The following ACSBG2 variants were observed in gnomAD, a reference collection of about 807,000 sequenced individuals.
ACSBG2 encodes the protein long-chain-fatty-acid--CoA ligase ACSBG2.
A neutral mutation model predicts 74.7 loss-of-function variants in ACSBG2; 62 were observed. The observed-to-expected ratio is 0.83, with a 90% CI of 0.68 to 1.03. ACSBG2 has a LOEUF of 1.03. Ranked by LOEUF, ACSBG2 falls within the 50% of genes least tolerant of loss-of-function variation. The pLI, the probability that ACSBG2 is intolerant of heterozygous loss-of-function variation, is 0.00. For missense variants in ACSBG2, 730 were observed against 817.6 expected (o/e 0.89, Z 1.31); for synonymous variants, 309 against 294.1 (o/e 1.05, Z -0.52).
chr19:6,171,008 A>G (rs922926443), intron 7 of ACSBG2, among the ~76,000 whole-genome samples: 11 of 151,706 alleles, frequency 7.3e-5, no homozygotes, highest in Admixed American at 5.3e-4. Context: ...TTAGTTTACA[A>G]TCTGTTTTAT....
chr19:6,137,016 A>G (rs577537153), intron 1 of ACSBG2, among the ~76,000 whole-genome samples: 62 of 152,290 alleles, frequency 4.1e-4, no homozygotes. Flanking sequence ...TTTCATCATA[A>G]AACACTGGGT....
At position 6,147,662 on chromosome 19, in the gene ACSBG2, A is replaced by G; in HGVS notation, c.284A>G (p.Lys95Arg). 6.2e-7 allele frequency: 1 copy of G among 1,613,776 alleles called. No individual in the cohort carries two copies. Among genetic ancestry groups the G allele is most frequent in the Non-Finnish European group, 8.5e-7 (1 of 1,179,610 alleles). Reference protein sequence around the residue: ...QYYEACRKAAKSLIKLGLERF... With the variant: ...QYYEACRKAARSLIKLGLERF... Reference sequence around the variant, plus strand: ...TATGAGGCTTGTCGGAAGGCTGCAAAATCCTTGATCAAGGTAAGATTCATT... The same window carrying G: ...TATGAGGCTTGTCGGAAGGCTGCAAGATCCTTGATCAAGGTAAGATTCATT... Residue 95 changes from lysine (K) to arginine (R), a missense_variant, in exon 3 of 15, where the codon AAA (lysine) becomes AGA (arginine). Transcript: ENST00000588485.
chr19:6,152,856 C>T (rs2089285756), intron 4 of ACSBG2, among the ~76,000 whole-genome samples: 1 of 152,078 alleles, frequency 6.6e-6, no homozygotes. Context: ...GAAATGATGG[C>T]TCTGAAGAGC....
At chr19:6,189,177 A>G (rs933833996) in intron 13 of ACSBG2, among the ~76,000 whole-genome samples, 7 of 152,102 alleles carry the variant, frequency 4.6e-5, no homozygotes, top group Admixed American at 1.3e-4. Context: ...GGATGGTTTC[A>G]GCCCTCCCTG....
At chr19:6,182,684 AG>A in intron 8 of ACSBG2, 66 bp from the exon 9 acceptor site, 1 of 1,497,082 alleles carries the variant, frequency 6.7e-7, no homozygotes, top group Non-Finnish European at 9.1e-7. Context: ...TGGGTGGATC[AG>A]GAGAGATGGA....
chr19:6,177,180 T>C, intron 7 of ACSBG2, 49 bp from the exon 8 acceptor site: 2 of 1,590,362 alleles, frequency 1.3e-6, no homozygotes, highest in Non-Finnish European at 1.7e-6. Flanking sequence ...AAAAATAAAA[T>C]GGCCCTTCTA....
chr19:6,153,349 C>T (rs1774168969), intron 4 of ACSBG2, among the ~76,000 whole-genome samples: 1 of 152,130 alleles, frequency 6.6e-6, no homozygotes. Flanking sequence ...CTCATGGTAG[C>T]CCTTTGAGGT....
At chr19:6,152,646 C>A (rs1284118905) in intron 4 of ACSBG2, among the ~76,000 whole-genome samples, 2 of 150,090 alleles carry the variant, frequency 1.3e-5, no homozygotes, top group African/African-American at 2.5e-5. Flanking sequence ...ATACTGATTT[C>A]TTCTTGAGCT....
At chr19:6,142,406 A>G (rs1417645982) in intron 2 of ACSBG2, among the ~76,000 whole-genome samples, 1 of 152,124 alleles carries the variant, frequency 6.6e-6, no homozygotes, top group African/African-American at 2.4e-5. Context: ...GAACCCAGCC[A>G]TTATCCAGGC....
rs2088699670 is a variant in ACSBG2 at position 6,138,742 on chromosome 19, G to A, written c.-31-2771G>A. 2.0e-5 allele frequency among the ~76,000 whole-genome samples: 3 copies of A among 148,110 alleles called. No homozygotes were observed. In the South Asian group the frequency reaches 6.6e-4, roughly 32 times the overall value. On this transcript the variant is annotated intron_variant, in intron 1 of 14. Coordinates refer to ENST00000588485, the MANE Select transcript of ACSBG2 (RefSeq NM_030924.5). ...GAAGGAAGGGAGGGAGAGAGGAAGG[G>A]TAGGAGAATGGGAAAAAGGAAGGAA...
intron 8 of ACSBG2, among the ~76,000 whole-genome samples, chr19:6,178,553 T>C (rs536484138): frequency 3.9e-5 from 6 of 152,246 alleles, no homozygotes; most frequent in East Asian, 1.9e-4. Flanking sequence ...GGCTGATTTT[T>C]GTATTTTTAG....
intron 1 of ACSBG2, among the ~76,000 whole-genome samples, chr19:6,137,846 C>T (rs2088643873): frequency 6.6e-6 from 1 of 152,020 alleles, no homozygotes; most frequent in Non-Finnish European, 1.5e-5. Context: ...CAGGGTTTCA[C>T]CGTGTGAACC....
At chr19:6,156,951 C>CTTTTT (rs530844999) in intron 5 of ACSBG2, among the ~76,000 whole-genome samples, 2 of 146,876 alleles carry the variant, frequency 1.4e-5, no homozygotes, top group Admixed American at 6.8e-5. Context: ...GTCAGGCTAA[C>CTTTTT]TTTTTTTTTT....
rs1031365631 is a variant in ACSBG2, at chr19:6,190,808, TACATACACAC to T, written c.*35+120_*35+129del. On this transcript the variant is annotated intron_variant, in intron 14 of 14. Transcript: ENST00000588485. ...TGCAGAAAACACACACATACACACA[TACATACACAC>T]ACACACACACACACACACACACACA... is the stretch of plus-strand genomic sequence containing the variant. The T allele has an allele frequency of 1.3e-5, 5 of 387,574 alleles. No homozygotes were observed. In the African/African-American group the frequency reaches 1.4e-4, roughly 11 times the overall value. 24.0% of individuals were successfully genotyped at this position (387,574 alleles called of 1,614,324 possible). A position where few individuals can be genotyped will look rare whatever the true frequency, so the allele number is the denominator to read the frequency against.
intron 2 of ACSBG2, among the ~76,000 whole-genome samples, chr19:6,147,232 C>T (rs2089066256): frequency 6.6e-6 from 1 of 152,022 alleles, no homozygotes; most frequent in Non-Finnish European, 1.5e-5. Context: ...GTATACAATC[C>T]TTTTGACTAT....
intron 7 of ACSBG2, among the ~76,000 whole-genome samples, chr19:6,167,252 T>C (rs1473237828): frequency 6.6e-6 from 1 of 152,236 alleles, no homozygotes; most frequent in Non-Finnish European, 1.5e-5. Flanking sequence ...GCTTTGCTAC[T>C]TGTAAGTAAC....
chr19:6,140,005 C>T (rs142612978), intron 1 of ACSBG2, among the ~76,000 whole-genome samples: 9,082 of 152,074 alleles, frequency 0.06, 828 homozygotes, highest in African/African-American at 0.2. Flanking sequence ...GGGCAGATCA[C>T]GAGGTCAGGA....
intron 7 of ACSBG2, 60 bp from the exon 8 acceptor site, chr19:6,177,169 T>A (rs1173957008): frequency 1.3e-6 from 2 of 1,569,116 alleles, no homozygotes; most frequent in African/African-American, 1.4e-5. Context: ...AATAAAAATT[T>A]AAAAATAAAA....
intron 1 of ACSBG2, among the ~76,000 whole-genome samples, chr19:6,136,891 G>A (rs1013563494): frequency 6.6e-6 from 1 of 151,666 alleles, no homozygotes; most frequent in East Asian, 2.0e-4. Context: ...CTCCGCACCC[G>A]GCCGATCGTG....
Sources: allele counts gnomAD v4.1 joint callset (sites outside exome capture counted in the v4.1 genomes callset), GRCh38; gene constraint gnomAD v4.1.1; transcripts MANE v1.5; gene names NCBI Gene and HGNC (gene_info 2026-07-23, HGNC 2026-07-21).